Variants in SPAG16 observed in about 807,000 individuals in gnomAD.
The protein encoded by SPAG16 is sperm associated antigen 16.
A neutral mutation model predicts 80.4 loss-of-function variants in SPAG16; 86 were observed. That is an observed-to-expected ratio of 1.07 (90% CI 0.90 to 1.28). The LOEUF is 1.28. SPAG16 is among the 50% of genes most tolerant of loss of function. SPAG16 has a pLI of 0.00. For synonymous variants in SPAG16, 294 were observed against 265.9 expected, an observed-to-expected ratio of 1.11 and a Z score of -1.03; for missense variants, 870 against 765.3, an observed-to-expected ratio of 1.14 and a Z score of -1.61.
At chr2:213,902,136 G>T (rs867704527) in intron 11 of SPAG16, among the ~76,000 whole-genome samples, 1 of 152,154 alleles carries the variant, frequency 6.6e-6, no homozygotes, top group African/African-American at 2.4e-5. Flanking sequence ...TTTTCTGTAA[G>T]AACTGGATTC....
chr2:213,439,457 G>A (rs1361190799), intron 9 of SPAG16, among the ~76,000 whole-genome samples: 3 of 152,152 alleles, frequency 2.0e-5, no homozygotes, highest in Non-Finnish European at 2.9e-5. Flanking sequence ...TGGAAGAAGG[G>A]GAACTATCAT....
chr2:214,387,196 G>A (rs773020307), intron 15 of SPAG16, among the ~76,000 whole-genome samples: 30 of 151,982 alleles, frequency 2.0e-4, no homozygotes, highest in Non-Finnish European at 3.8e-4. Flanking sequence ...TCCCTCTTTT[G>A]TGTTCTTAAG....
At chr2:213,956,793 T>C (rs2044165975) in intron 12 of SPAG16, among the ~76,000 whole-genome samples, 1 of 152,140 alleles carries the variant, frequency 6.6e-6, no homozygotes, top group South Asian at 2.1e-4. Context: ...TTTTTCCCCT[T>C]AGCATGGCTT....
intron 10 of SPAG16, among the ~76,000 whole-genome samples, chr2:213,836,029 G>A (rs1166465245): frequency 6.6e-6 from 1 of 152,088 alleles, no homozygotes; most frequent in African/African-American, 2.4e-5. Flanking sequence ...GACAAATTCA[G>A]TGGAAATTGA....
intron 13 of SPAG16, among the ~76,000 whole-genome samples, chr2:214,033,546 A>G (rs147948748): frequency 6.6e-6 from 1 of 152,160 alleles, no homozygotes; most frequent in African/African-American, 2.4e-5. Flanking sequence ...ACACAAAAAG[A>G]TTATATTCAA....
chr2:214,177,155 A>G (rs891880125), intron 15 of SPAG16, among the ~76,000 whole-genome samples: 2 of 151,210 alleles, frequency 1.3e-5, no homozygotes, highest in Non-Finnish European at 3.0e-5. Context: ...TTTCTTGCCA[A>G]TGGATATGAA....
chr2:213,951,512 C>A (rs1377857225), intron 12 of SPAG16, among the ~76,000 whole-genome samples: 1 of 151,964 alleles, frequency 6.6e-6, no homozygotes, highest in African/African-American at 2.4e-5. Flanking sequence ...ATACAATATG[C>A]AAAAGACAAA....
chr2:213,404,317 C>A (rs369980420), intron 9 of SPAG16, among the ~76,000 whole-genome samples: 1 of 152,000 alleles, frequency 6.6e-6, no homozygotes, highest in African/African-American at 2.4e-5. Flanking sequence ...ATACTACAAG[C>A]CTACAGTAAC....
chr2:214,211,427 A>T (rs2058290201), intron 15 of SPAG16, among the ~76,000 whole-genome samples: 1 of 152,204 alleles, frequency 6.6e-6, no homozygotes, highest in Non-Finnish European at 1.5e-5. Flanking sequence ...ACTCCTCAGG[A>T]TCTTTTCAGA....
chr2:213,579,158 C>T (rs2060221070), intron 10 of SPAG16, among the ~76,000 whole-genome samples: 1 of 151,990 alleles, frequency 6.6e-6, no homozygotes, highest in Admixed American at 6.6e-5. Context: ...TTCATTTGAG[C>T]ACACTTTGAG....
intron 10 of SPAG16, among the ~76,000 whole-genome samples, chr2:213,746,161 C>A (rs1294949295): frequency 6.6e-6 from 1 of 152,154 alleles, no homozygotes; most frequent in Non-Finnish European, 1.5e-5. Context: ...TTACTTGAAA[C>A]CAAATATGTA....
intron 10 of SPAG16, among the ~76,000 whole-genome samples, chr2:213,816,751 A>G (rs2072563547): frequency 6.6e-6 from 1 of 152,104 alleles, no homozygotes; most frequent in African/African-American, 2.4e-5. Flanking sequence ...TTGACAGTGC[A>G]TGATAACAAT....
chr2:214,242,375 A>G (rs1689556485), intron 15 of SPAG16, among the ~76,000 whole-genome samples: 1 of 152,180 alleles, frequency 6.6e-6, no homozygotes, highest in Admixed American at 6.5e-5. Context: ...TTCCTTGTCA[A>G]AATCATAAAA....
In SPAG16 at chr2:214,250,757, T is replaced by TATATAG. The variant is rs1475343777; in HGVS notation, c.1720+101492_1720+101493insTATAGA. Among the ~76,000 whole-genome samples the TATATAG allele has an allele frequency of 3.2e-3, 292 of 91,264 alleles. 1 individual carries two copies. Among genetic ancestry groups the TATATAG allele is most frequent in the African/African-American group, 3.6e-3 (89 of 24,642 alleles). The allele number at this position is 91,264 out of a possible 152,430, so 59.9% of individuals were successfully genotyped here. ...AGATATATATATATATATATATATA[T>TATATAG]AGAGAGAGAGAGAGAGAGAGAGAGA... is the stretch of plus-strand genomic sequence containing the variant. On this transcript the variant is annotated intron_variant, in intron 15 of 15. Transcript: ENST00000331683.
At chr2:213,687,174 T>C (rs80096424) in intron 10 of SPAG16, among the ~76,000 whole-genome samples, 4 of 152,286 alleles carry the variant, frequency 2.6e-5, no homozygotes, top group African/African-American at 7.2e-5. Flanking sequence ...TCACATATAG[T>C]ATGAGGAACT....
chr2:214,012,656 C>T (rs1278696571), intron 12 of SPAG16, among the ~76,000 whole-genome samples: 2 of 151,954 alleles, frequency 1.3e-5, no homozygotes, highest in Non-Finnish European at 2.9e-5. Flanking sequence ...TGAGTACTTA[C>T]TAGTTATCCT....
chr2:213,844,338 G>GA (rs1159256376), intron 10 of SPAG16, among the ~76,000 whole-genome samples: 1 of 152,114 alleles, frequency 6.6e-6, no homozygotes, highest in Non-Finnish European at 1.5e-5. Context: ...AAGTTACTGG[G>GA]AAAATATCAT....
intron 10 of SPAG16, among the ~76,000 whole-genome samples, chr2:213,781,349 G>A (rs571059912): frequency 1.2e-4 from 19 of 152,148 alleles, no homozygotes; most frequent in African/African-American, 4.1e-4. Flanking sequence ...TTTATAGAAG[G>A]CATTAATAGA....
At chr2:213,587,031 G>A (rs926518999) in intron 10 of SPAG16, among the ~76,000 whole-genome samples, 10 of 152,166 alleles carry the variant, frequency 6.6e-5, no homozygotes, top group Non-Finnish European at 1.2e-4. Context: ...CTCTGCAGCA[G>A]CTCTGTGCCT....
Sources: allele counts gnomAD v4.1 joint callset (sites outside exome capture counted in the v4.1 genomes callset), GRCh38; gene constraint gnomAD v4.1.1; transcripts MANE v1.5; gene names NCBI Gene and HGNC (gene_info 2026-07-23, HGNC 2026-07-21).